Variants in SFMBT2 observed in about 807,000 individuals in gnomAD.
The protein encoded by SFMBT2 is Scm like with four mbt domains 2.
A neutral mutation model predicts 110.1 loss-of-function variants in SFMBT2; 38 were observed. That is an observed-to-expected ratio of 0.35 (90% CI 0.27 to 0.45). The LOEUF is 0.45. Among genes scored for constraint, SFMBT2 ranks in the 20% least tolerant of loss-of-function variants. SFMBT2 has a pLI of 1.00. For synonymous variants in SFMBT2, 425 were observed against 425.4 expected, an observed-to-expected ratio of 1.00 and a Z score of 0.01; for missense variants, 1,011 against 1,094.9, an observed-to-expected ratio of 0.92 and a Z score of 1.08.
chr10:7,179,626 T>G (rs923299140), intron 16 of SFMBT2, among the ~76,000 whole-genome samples: 3 of 152,034 alleles, frequency 2.0e-5, no homozygotes, highest in African/African-American at 7.2e-5. Context: ...TAATGAGACA[T>G]AAGAACGCAG....
intron 15 of SFMBT2, among the ~76,000 whole-genome samples, chr10:7,194,931 A>AGG (rs1182364737): frequency 6.6e-6 from 1 of 152,216 alleles, no homozygotes; most frequent in Non-Finnish European, 1.5e-5. Flanking sequence ...GCTGAAGCCA[A>AGG]GGTCATCTTG....
chr10:7,266,098 T>C lies in SFMBT2; in HGVS notation c.870+10794A>G, dbSNP rs59681179. 8.6e-3 allele frequency among the ~76,000 whole-genome samples: 1,310 copies of C among 152,022 alleles called. 20 individuals carry two copies. The highest frequency in any genetic ancestry group is 0.03 in the African/African-American group (1,264 of 41,458). On this transcript the variant is annotated intron_variant, in intron 7 of 20. Coordinates refer to ENST00000397167, the MANE Select transcript of SFMBT2 (RefSeq NM_001387889.1). Reference sequence around the variant, plus strand: ...CAGAGTGCGGTTTTCTTTCCTTTTTTTTTTTCTTTGAGACAGAGTCTTGCT... The same window carrying C: ...CAGAGTGCGGTTTTCTTTCCTTTTTCTTTTTCTTTGAGACAGAGTCTTGCT...
At chr10:7,253,034 C>T (rs533868110) in intron 7 of SFMBT2, among the ~76,000 whole-genome samples, 1 of 152,336 alleles carries the variant, frequency 6.6e-6, no homozygotes, top group Non-Finnish European at 1.5e-5. Context: ...ATGAAACTCC[C>T]ATGAACACCC....
chr10:7,255,658 G>T (rs372300387), intron 7 of SFMBT2, among the ~76,000 whole-genome samples: 3 of 152,204 alleles, frequency 2.0e-5, no homozygotes, highest in Non-Finnish European at 2.9e-5. Flanking sequence ...GCAGACTGAC[G>T]TGGTAAAAGT....
At chr10:7,260,757 TA>T (rs199615205) in intron 7 of SFMBT2, among the ~76,000 whole-genome samples, 9,591 of 151,994 alleles carry the variant, frequency 0.063, 407 homozygotes, top group Admixed American at 0.089. Flanking sequence ...CTTAGTACAA[TA>T]AAAAAATCAT....
chr10:7,204,348 C>T, intron 12 of SFMBT2: 1 of 985,384 alleles, frequency 1.0e-6, no homozygotes, highest in Non-Finnish European at 1.2e-6. Flanking sequence ...TGAGAGTCTA[C>T]AGAAGTGGCC....
chr10:7,255,410 C>T (rs1840968687), intron 7 of SFMBT2, among the ~76,000 whole-genome samples: 1 of 152,216 alleles, frequency 6.6e-6, no homozygotes, highest in African/African-American at 2.4e-5. Context: ...ATGCCTGTCA[C>T]ATTAAAGAAA....
rs1366698710 is a variant in SFMBT2, at chr10:7,220,537, T to C, written c.1204A>G (p.Thr402Ala). The C allele has an allele frequency of 6.2e-7, 1 of 1,613,834 alleles. No individual in the cohort carries two copies. The highest frequency in any genetic ancestry group is 1.6e-4 in the Middle Eastern group (1 of 6,084). ...QEAPPFCFRN[T>A]SFSRGFTKNM... ...TTTGTGAAACCTCGACTGAATGATGTCTGCAAGAGAAACGAGACCAACACT... is the reference window on the plus strand; with the variant it reads ...TTTGTGAAACCTCGACTGAATGATGCCTGCAAGAGAAACGAGACCAACACT... The change falls in exon 11 of 21, where the codon ACA becomes GCA. Residue 402 changes from threonine (T) to alanine (A), a missense_variant and splice_region_variant. Thr to Ala is a moderately conservative substitution (Grantham distance 58). Coordinates refer to ENST00000397167, the MANE Select transcript of SFMBT2 (RefSeq NM_001387889.1).
rs1588460118 is a variant in SFMBT2, at chr10:7,337,022, G to A, written c.436+30627C>T. ...TGTCACCAGTAAGATTTAACCCAATGAAAAGAATAAAATAGCCCATTTCTT... is the reference window on the plus strand; with the variant it reads ...TGTCACCAGTAAGATTTAACCCAATAAAAAGAATAAAATAGCCCATTTCTT... On this transcript the variant is annotated intron_variant, in intron 4 of 20. Transcript: ENST00000397167. Among the ~76,000 whole-genome samples, 10 of 152,320 alleles carry A rather than the reference G, an allele frequency of 6.6e-5. No homozygotes were observed. The South Asian group carries it at 2.1e-3, about 32-fold the overall frequency.
chr10:7,331,634 C>A (rs1843560824), intron 4 of SFMBT2, among the ~76,000 whole-genome samples: 1 of 152,162 alleles, frequency 6.6e-6, no homozygotes, highest in African/African-American at 2.4e-5. Context: ...CCTGCGCCCC[C>A]AACACTGAGA....
intron 4 of SFMBT2, among the ~76,000 whole-genome samples, chr10:7,296,081 C>T (rs1310186765): frequency 6.6e-6 from 1 of 152,134 alleles, no homozygotes; most frequent in African/African-American, 2.4e-5. Flanking sequence ...GATAAATAAC[C>T]TCTAAAACTA....
rs1387561163 is a variant in SFMBT2, at chr10:7,172,218, C to A, written c.2152-60G>T. On this transcript the variant is annotated intron_variant, in intron 18 of 20. Transcript: ENST00000397167. The surrounding 1 kb of genome is among the most constrained non-coding windows in gnomAD (Gnocchi z 4.6). ...GGCCCGGGGGCCTGTAGCGGTGGCC[C>A]CGCGGTCAGACCCTGGGCCCAGTGC... The A allele has an allele frequency of 3.3e-6, 5 of 1,504,938 alleles. No homozygotes were observed. The East Asian group carries it at 1.2e-4, about 35-fold the overall frequency. The allele number at this position is 1,504,938 out of a possible 1,614,324, so 93.2% of individuals were successfully genotyped here. A position where few individuals can be genotyped will look rare whatever the true frequency, so the allele number is the denominator to read the frequency against.
intron 7 of SFMBT2, among the ~76,000 whole-genome samples, chr10:7,256,143 A>G (rs1469184148): frequency 6.6e-6 from 1 of 152,192 alleles, no homozygotes; most frequent in Non-Finnish European, 1.5e-5. Context: ...TAGAGAGATG[A>G]AGTTATCTAA....
intron 14 of SFMBT2, 140 bp from the exon 15 acceptor site, chr10:7,197,827 G>C: frequency 7.8e-7 from 1 of 1,276,926 alleles, no homozygotes; most frequent in South Asian, 2.0e-5. Flanking sequence ...GGGGAGTCAG[G>C]CGTAATAAAA....
rs149668701 is a variant in SFMBT2 at position 7,164,663 on chromosome 10, A to C, written c.2545-753T>G. Among the ~76,000 whole-genome samples the C allele has an allele frequency of 4.9e-4, 75 of 152,014 alleles. No homozygotes were observed. In the East Asian group the frequency reaches 0.013, roughly 27 times the overall value. ...ACAAGGCTCCCTCAGCTCCCTGCCA[A>C]GGTCTGGCATTTCACCATTAGGATG... On this transcript the variant is annotated intron_variant, in intron 20 of 20. Coordinates refer to ENST00000397167, the MANE Select transcript of SFMBT2 (RefSeq NM_001387889.1).
chr10:7,214,771 G>C (rs1943524503), intron 11 of SFMBT2: 3 of 985,124 alleles, frequency 3.0e-6, no homozygotes, highest in Non-Finnish European at 1.2e-6. Flanking sequence ...TGTAGGGTGT[G>C]TTTTGTCATT....
intron 1 of SFMBT2, among the ~76,000 whole-genome samples, chr10:7,407,164 A>T (rs1356792747): frequency 6.6e-6 from 1 of 152,146 alleles, no homozygotes; most frequent in East Asian, 1.9e-4. Context: ...TCCTATCTCC[A>T]GGGCGGGCCT....
chr10:7,308,042 C>G (rs1046532825), intron 4 of SFMBT2, among the ~76,000 whole-genome samples: 1 of 152,128 alleles, frequency 6.6e-6, no homozygotes, highest in Non-Finnish European at 1.5e-5. Flanking sequence ...TAGTAATAAT[C>G]CTAACATCCT....
At chr10:7,255,232 AC>A (rs1244373549) in intron 7 of SFMBT2, among the ~76,000 whole-genome samples, 2 of 152,184 alleles carry the variant, frequency 1.3e-5, no homozygotes, top group Non-Finnish European at 2.9e-5. Flanking sequence ...AATTCGCCAA[AC>A]CGATTATGTA....
Sources: gnomAD v4.1 joint callset for allele counts (sites outside exome capture counted in the v4.1 genomes callset) on GRCh38, gnomAD v4.1.1 for gene constraint, Gnocchi (gnomAD v3.1) non-coding constraint, MANE v1.5 for transcripts, NCBI Gene and HGNC (gene_info 2026-07-23, HGNC 2026-07-21) for gene names.